Variants in CSMD1 observed in about 807,000 individuals in gnomAD.
CSMD1 encodes the protein CUB and sushi domain-containing protein 1.
Under a neutral mutation model 417.5 loss-of-function variants are expected in CSMD1, and 213 were observed. The ratio of observed to expected loss-of-function variants is 0.51; its 90% CI spans 0.46 to 0.57. The LOEUF (loss-of-function observed/expected upper bound fraction) is 0.57. Ranked by LOEUF, CSMD1 falls within the 20% of genes least tolerant of loss-of-function variation. The pLI, the probability that CSMD1 is intolerant of heterozygous loss-of-function variation, is 0.00. For synonymous variants in CSMD1, 2,862 were observed against 1,736.8 expected (o/e 1.65, Z -16.11); for missense variants, 6,923 against 4,529.7 (o/e 1.53, Z -15.17).
chr8:4,084,121 G>C (rs987141497), intron 3 of CSMD1, among the ~76,000 whole-genome samples: 17 of 152,126 alleles, frequency 1.1e-4, no homozygotes, highest in African/African-American at 3.9e-4. Flanking sequence ...ACCACAATAT[G>C]TCTGCTCTTA....
At chr8:4,136,301 G>C (rs1012909480) in intron 3 of CSMD1, among the ~76,000 whole-genome samples, 2 of 152,160 alleles carry the variant, frequency 1.3e-5, no homozygotes, top group South Asian at 2.1e-4. Context: ...TCTTTTTTTA[G>C]CTTCCAGATT....
chr8:4,419,937 A>T lies in CSMD1; in HGVS notation c.415+16T>A. The T allele has an allele frequency of 6.6e-7, 1 of 1,514,106 alleles. No individual in the cohort carries two copies. Among genetic ancestry groups the T allele is most frequent in the Non-Finnish European group, 9.0e-7 (1 of 1,109,300 alleles). The allele number at this position is 1,514,106 out of a possible 1,614,324, so 93.8% of individuals were successfully genotyped here. On this transcript the variant is annotated intron_variant, in intron 3 of 69. Transcript: ENST00000635120. ...TGGACAGTGAATGCATGTGCAAAACACAACCAATCTCCTACCTTCATATAA... is the reference window on the plus strand; with the variant it reads ...TGGACAGTGAATGCATGTGCAAAACTCAACCAATCTCCTACCTTCATATAA...
chr8:4,057,571 C>A (rs1269997619), intron 3 of CSMD1, among the ~76,000 whole-genome samples: 2 of 151,904 alleles, frequency 1.3e-5, no homozygotes, highest in Admixed American at 1.3e-4. Flanking sequence ...GCTTTTGTTG[C>A]CATTGCTTTT....
chr8:2,984,193 A>G (rs1369207392), intron 54 of CSMD1, among the ~76,000 whole-genome samples: 2 of 152,154 alleles, frequency 1.3e-5, no homozygotes, highest in Non-Finnish European at 2.9e-5. Context: ...AATCGGATTC[A>G]CAGGAAACGT....
At chr8:3,002,737 A>C (rs1807520975) in intron 52 of CSMD1, among the ~76,000 whole-genome samples, 1 of 152,212 alleles carries the variant, frequency 6.6e-6, no homozygotes, top group African/African-American at 2.4e-5. Flanking sequence ...CTGGCAAACA[A>C]GGACTTGTAA....
intron 10 of CSMD1, among the ~76,000 whole-genome samples, chr8:3,554,550 C>G: frequency 6.6e-6 from 1 of 152,172 alleles, no homozygotes; most frequent in East Asian, 1.9e-4. Context: ...AGCTCCTGCT[C>G]TGTTGGAAGC....
At chr8:3,294,271 G>C (rs908016494) in intron 25 of CSMD1, among the ~76,000 whole-genome samples, 15 of 152,316 alleles carry the variant, frequency 9.8e-5, no homozygotes, top group African/African-American at 2.9e-4. Context: ...TCAGGGGTCA[G>C]GGACCCCCTT....
chr8:4,791,194 G>C (rs11136775), intron 1 of CSMD1, among the ~76,000 whole-genome samples: 17,446 of 152,124 alleles, frequency 0.11, 1,729 homozygotes, highest in African/African-American at 0.27. Context: ...CACTGGTCTT[G>C]AGAGGAGAGG....
At chr8:4,296,250 G>A (rs1236142444) in intron 3 of CSMD1, among the ~76,000 whole-genome samples, 2 of 152,106 alleles carry the variant, frequency 1.3e-5, no homozygotes, top group Non-Finnish European at 2.9e-5. Flanking sequence ...TAGAGCTGGA[G>A]GAGTTTATAG....
chr8:3,041,767 G>A (rs1287642661), intron 50 of CSMD1, among the ~76,000 whole-genome samples: 3 of 152,036 alleles, frequency 2.0e-5, no homozygotes, highest in African/African-American at 7.2e-5. Flanking sequence ...GTTCAACACA[G>A]CACAGCGTTT....
chr8:4,173,546 G>A (rs1471393764), intron 3 of CSMD1, among the ~76,000 whole-genome samples: 2 of 152,066 alleles, frequency 1.3e-5, no homozygotes, highest in Non-Finnish European at 1.5e-5. Context: ...TTACAAGAAA[G>A]GAGAAAGATA....
chr8:4,077,303 A>G (rs927193770), intron 3 of CSMD1, among the ~76,000 whole-genome samples: 7 of 81,544 alleles, frequency 8.6e-5, no homozygotes, highest in African/African-American at 2.2e-4. Context: ...ATGTGTATAT[A>G]TATATATATA....
intron 3 of CSMD1, among the ~76,000 whole-genome samples, chr8:4,150,471 C>G (rs1401418041): frequency 6.6e-6 from 1 of 152,196 alleles, no homozygotes; most frequent in Non-Finnish European, 1.5e-5. Flanking sequence ...AGAACTTCAG[C>G]TAACAGAATT....
At chr8:3,442,971 T>C (rs76572210) in intron 12 of CSMD1, among the ~76,000 whole-genome samples, 1 of 152,224 alleles carries the variant, frequency 6.6e-6, no homozygotes, top group Non-Finnish European at 1.5e-5. Flanking sequence ...GTTTTATTAA[T>C]TTAAATCATT....
chr8:4,619,472 G>C (rs2130810759), intron 2 of CSMD1, among the ~76,000 whole-genome samples: 1 of 152,240 alleles, frequency 6.6e-6, no homozygotes, highest in South Asian at 2.1e-4. Context: ...GAAGTAGCAA[G>C]AAGAAAAGCC....
intron 1 of CSMD1, among the ~76,000 whole-genome samples, chr8:4,937,067 G>T (rs1011679493): frequency 6.6e-6 from 1 of 152,130 alleles, no homozygotes; most frequent in Non-Finnish European, 1.5e-5. Flanking sequence ...AAAATAATTA[G>T]CCAGGCATTG....
At chr8:4,070,446 C>T (rs960013300) in intron 3 of CSMD1, among the ~76,000 whole-genome samples, 28 of 151,914 alleles carry the variant, frequency 1.8e-4, no homozygotes, top group Non-Finnish European at 4.4e-5. Context: ...CAAGCTCCGC[C>T]TCCCGGGTTC....
chr8:4,725,585 C>G (rs1197469206), intron 1 of CSMD1, among the ~76,000 whole-genome samples: 2 of 152,094 alleles, frequency 1.3e-5, no homozygotes, highest in African/African-American at 4.8e-5. Context: ...TCAGAAGCAA[C>G]ATGGGGCGCG....
At chr8:3,347,965 C>T (rs758760968) in intron 22 of CSMD1, 27 bp downstream of exon 22, 2 of 1,513,734 alleles carry the variant, frequency 1.3e-6, no homozygotes, top group Non-Finnish European at 1.8e-6. Flanking sequence ...AACTTGGAGT[C>T]ATCATGTTGG....
Sources: allele counts gnomAD v4.1 joint callset (sites outside exome capture counted in the v4.1 genomes callset), GRCh38; gene constraint gnomAD v4.1.1; transcripts MANE v1.5; gene names NCBI Gene and HGNC (gene_info 2026-07-23, HGNC 2026-07-21).